Variants in ACTR8 observed in about 807,000 individuals in gnomAD.
The protein encoded by ACTR8 is actin-related protein 8.
ACTR8 carries 70 observed loss-of-function variants against 84.3 expected under a neutral mutation model. That is an observed-to-expected ratio of 0.83 (90% CI 0.68 to 1.01). The LOEUF (loss-of-function observed/expected upper bound fraction) is 1.01. Among genes scored for constraint, ACTR8 ranks in the 50% least tolerant of loss-of-function variants. The pLI is 0.00. For synonymous variants in ACTR8, 268 were observed against 275.2 expected (o/e 0.97, Z 0.26); for missense variants, 672 against 775.4 (o/e 0.87, Z 1.58).
intron 7 of ACTR8, among the ~76,000 whole-genome samples, chr3:53,875,539 A>C (rs1012734376): frequency 2.0e-5 from 3 of 152,256 alleles, no homozygotes; most frequent in African/African-American, 7.2e-5. Flanking sequence ...CAGATATTCA[A>C]AACACTGGCC....
At chr3:53,881,761 C>T (rs1283618093) in intron 1 of ACTR8, 1 of 690,062 alleles carries the variant, frequency 1.4e-6, no homozygotes, top group East Asian at 2.8e-5. Flanking sequence ...GAGCGGTGTC[C>T]CTGCGGGGGC....
chr3:53,881,819 G>C, intron 1 of ACTR8, 160 bp downstream of exon 1: 2 of 1,235,560 alleles, frequency 1.6e-6, no homozygotes, highest in Non-Finnish European at 2.2e-6. Flanking sequence ...CGGCGTCCCG[G>C]CGCGCCACCA....
At chr3:53,875,237 G>A (rs770216602) in intron 7 of ACTR8, among the ~76,000 whole-genome samples, 2 of 152,134 alleles carry the variant, frequency 1.3e-5, no homozygotes, top group African/African-American at 4.8e-5. Context: ...AACTTGGGGC[G>A]GGAGGCAGCA....
chr3:53,865,219 G>A (rs1289093420), downstream of ACTR8: 4 of 1,613,744 alleles, frequency 2.5e-6, no homozygotes, highest in African/African-American at 5.3e-5. Context: ...GGATGCCACT[G>A]CTTTCTGTGC....
intron 1 of ACTR8, among the ~76,000 whole-genome samples, chr3:53,881,039 C>CA (rs975087935): frequency 5.9e-5 from 9 of 152,234 alleles, no homozygotes; most frequent in African/African-American, 1.9e-4. Context: ...AAGGATCTGG[C>CA]AAGGCCCTTA....
intron 5 of ACTR8, among the ~76,000 whole-genome samples, chr3:53,876,946 G>A (rs1472509850): frequency 5.3e-5 from 8 of 151,102 alleles, no homozygotes. Flanking sequence ...TAAGACAACT[G>A]ATGTGTCAGT....
At chr3:53,869,912 A>T in intron 12 of ACTR8, 70 bp downstream of exon 12, 6 of 1,559,674 alleles carry the variant, frequency 3.8e-6, no homozygotes, top group Non-Finnish European at 5.2e-6. Context: ...GCCTCCCAGG[A>T]TTTGATCTGT....
chr3:53,872,622 C>A, intron 9 of ACTR8, 98 bp from the exon 10 acceptor site: 1 of 1,383,202 alleles, frequency 7.2e-7, no homozygotes, highest in South Asian at 1.6e-5. Context: ...ACTGGCAGAT[C>A]AGATTCCCTA....
At chr3:53,861,751 GGT>G in the ACTR8 span, among the ~76,000 whole-genome samples, 1 of 152,332 alleles carries the variant, frequency 6.6e-6, no homozygotes, top group East Asian at 1.9e-4. Flanking sequence ...AGAGGCAGCA[GGT>G]GAGTTCCCGG....
At chr3:53,873,290 A>G (rs1360411313) in intron 8 of ACTR8, 163 bp from the exon 9 acceptor site, 1 of 458,288 alleles carries the variant, frequency 2.2e-6, no homozygotes, top group East Asian at 3.2e-5. Flanking sequence ...ATTAAGTTGT[A>G]CTTTGTTCCC....
intron 2 of ACTR8, among the ~76,000 whole-genome samples, chr3:53,878,824 A>C (rs1480455879): frequency 6.6e-6 from 1 of 152,222 alleles, no homozygotes; most frequent in Non-Finnish European, 1.5e-5. Context: ...ACCCTGTCTC[A>C]AGAAAAGAAA....
rs1057233167 is a variant in ACTR8, at chr3:53,868,662, A to G, written c.*57T>C. Reference sequence around the variant, plus strand: ...AATTACAATACACATATTCTGTAAGAGTCTTTTATACCAAGAAGCTTGTTT... The same window carrying G: ...AATTACAATACACATATTCTGTAAGGGTCTTTTATACCAAGAAGCTTGTTT... On this transcript the variant is annotated 3_prime_UTR_variant, in exon 13 of 13. Transcript: ENST00000335754. 2 of 1,591,668 alleles carry G rather than the reference A, an allele frequency of 1.3e-6. No homozygotes were observed. Among genetic ancestry groups the G allele is most frequent in the Admixed American group, 1.8e-5 (1 of 56,366 alleles).
downstream of ACTR8, among the ~76,000 whole-genome samples, chr3:53,862,937 C>T (rs571140167): frequency 8.5e-5 from 13 of 152,282 alleles, no homozygotes; most frequent in African/African-American, 1.7e-4. Flanking sequence ...CCTCTTCCAC[C>T]GCTTCTGCCT....
chr3:53,860,101 C>T, the ACTR8 span: 2 of 1,519,986 alleles, frequency 1.3e-6, no homozygotes, highest in Non-Finnish European at 1.8e-6. Flanking sequence ...ATTTGTTTTC[C>T]AAAGGTGAAT....
chr3:53,874,203 G>A lies in ACTR8; in HGVS notation c.1065+8C>T. On this transcript the variant is annotated splice_region_variant and intron_variant, in intron 8 of 12. Coordinates refer to ENST00000335754, the MANE Select transcript of ACTR8 (RefSeq NM_022899.5). ...AAAAATAATCAGCAATATTGATTCT[G>A]CTCCCACCTGATCTAAATGACAAAA... 6.2e-7 allele frequency: 1 copy of A among 1,609,138 alleles called. No homozygotes were observed. The highest frequency in any genetic ancestry group is 8.5e-7 in the Non-Finnish European group (1 of 1,178,224).
downstream of ACTR8, among the ~76,000 whole-genome samples, chr3:53,864,347 T>C (rs1699693996): frequency 6.6e-6 from 1 of 152,108 alleles, no homozygotes; most frequent in Non-Finnish European, 1.5e-5. Context: ...CCATCCTGGC[T>C]AACAGGGTGA....
intron 1 of ACTR8, among the ~76,000 whole-genome samples, chr3:53,880,785 T>C (rs935983115): frequency 6.6e-6 from 1 of 152,220 alleles, no homozygotes; most frequent in African/African-American, 2.4e-5. Context: ...TCTTCTTCCC[T>C]GAGATTCCCT....
intron 10 of ACTR8, among the ~76,000 whole-genome samples, chr3:53,871,924 T>C (rs1699889312): frequency 6.6e-6 from 1 of 152,152 alleles, no homozygotes; most frequent in Non-Finnish European, 1.5e-5. Flanking sequence ...GAAAATCTAG[T>C]CTCCATCATG....
Position 53,877,702 on chromosome 3 carries a change from G to A in ACTR8, c.455C>T (p.Ser152Leu), listed in dbSNP as rs780432704. ...AGATGTGTTTGTCCACTTATTTCCC[G>A]AACAGTGATCTAAAATTGCAGGTCG... is the stretch of plus-strand genomic sequence containing the variant. ...QMRPAILDHC[S>L]GNKWTNTSHH... Residue 152 changes from serine to leucine, a missense_variant, in exon 4 of 13, where the codon TCG (serine) becomes TTG (leucine). By Grantham distance (145) the Ser-to-Leu change is moderately radical. Coordinates refer to ENST00000335754, the MANE Select transcript of ACTR8 (RefSeq NM_022899.5). The A allele has an allele frequency of 1.7e-5, 27 of 1,613,872 alleles. No homozygotes were observed. Among genetic ancestry groups the A allele is most frequent in the Admixed American group, 3.3e-5 (2 of 59,992 alleles).
Sources: gnomAD v4.1 joint callset for allele counts (sites outside exome capture counted in the v4.1 genomes callset) on GRCh38, gnomAD v4.1.1 for gene constraint, MANE v1.5 for transcripts, NCBI Gene and HGNC (gene_info 2026-07-23, HGNC 2026-07-21) for gene names.